RERE: variants seen among roughly 807,000 people sequenced by gnomAD.
RERE encodes the protein arginine-glutamic acid dipeptide repeats.
A neutral mutation model predicts 146.1 loss-of-function variants in RERE; 40 were observed. That is an observed-to-expected ratio of 0.27 (90% CI 0.21 to 0.36). The LOEUF (loss-of-function observed/expected upper bound fraction) is 0.36, where lower values mean the gene tolerates loss of function less well. RERE is among the 10% of genes least tolerant of loss of function. The pLI is 1.00. For synonymous variants in RERE, 1,003 were observed against 866.0 expected, an observed-to-expected ratio of 1.16 and a Z score of -2.78; for missense variants, 1,933 against 2,138.7, an observed-to-expected ratio of 0.90 and a Z score of 1.90.
At chr1:8,580,468 C>A in intron 4 of RERE, among the ~76,000 whole-genome samples, 1 of 152,042 alleles carries the variant, frequency 6.6e-6, no homozygotes, top group Non-Finnish European at 1.5e-5. Context: ...GGATTAAATC[C>A]AAAAACTATA....
intron 1 of RERE, among the ~76,000 whole-genome samples, chr1:8,682,043 T>G (rs1276394932): frequency 6.6e-6 from 1 of 152,198 alleles, no homozygotes; most frequent in African/African-American, 2.4e-5. Context: ...AAGGGCTTAT[T>G]TTGATCATAA....
intron 4 of RERE, among the ~76,000 whole-genome samples, chr1:8,611,940 CACAGT>C (rs1409824374): frequency 1.1e-4 from 16 of 152,182 alleles, no homozygotes; most frequent in Admixed American, 9.8e-4. Context: ...CACCACTGAA[CACAGT>C]ACTTTTTACT....
chr1:8,662,889 C>A (rs543311441), intron 1 of RERE, among the ~76,000 whole-genome samples: 1 of 152,228 alleles, frequency 6.6e-6, no homozygotes, highest in Non-Finnish European at 1.5e-5. Flanking sequence ...GGGACAAGAC[C>A]TACCTATTTC....
chr1:8,584,389 A>T (rs935920443), intron 4 of RERE, among the ~76,000 whole-genome samples: 2 of 151,724 alleles, frequency 1.3e-5, no homozygotes, highest in South Asian at 2.1e-4. Flanking sequence ...AACGAAAAAT[A>T]AAAAAAAATT....
intron 8 of RERE, among the ~76,000 whole-genome samples, chr1:8,498,184 C>A (rs1645071070): frequency 6.7e-6 from 1 of 150,030 alleles, no homozygotes; most frequent in Admixed American, 6.7e-5. Context: ...GATGCTGAAA[C>A]CTTGTCTCTA....
chr1:8,739,161 T>G (rs1354464906), intron 1 of RERE, among the ~76,000 whole-genome samples: 5 of 152,144 alleles, frequency 3.3e-5, no homozygotes, highest in African/African-American at 1.2e-4. Flanking sequence ...AACACAGCAA[T>G]AGCTGACATA....
At chr1:8,808,021 G>C (rs1641722326) in intron 1 of RERE, among the ~76,000 whole-genome samples, 1 of 152,084 alleles carries the variant, frequency 6.6e-6, no homozygotes. Context: ...GGTCATACCT[G>C]TAGTAACAGC....
rs769437351 is a variant in RERE, at chr1:8,361,422, A to G, written c.2085T>C (p.Asp695=). The change falls in exon 18 of 23, where the codon GAT becomes GAC. Residue 695 remains aspartate, a synonymous_variant. Coordinates refer to ENST00000400908, the MANE Select transcript of RERE (RefSeq NM_001042681.2). The stretch of plus-strand genomic sequence containing the variant: ...TGTCTTTGGGGTCACTGCTACCCTC[A>G]TCGTTGACGCTGCGACTGTCTGAAC... ...GESSDSRSVN[D]EGSSDPKDID... is the part of the protein sequence containing the mutation. The G allele has an allele frequency of 8.7e-6, 14 of 1,613,736 alleles. No homozygotes were observed. The highest frequency in any genetic ancestry group is 1.2e-5 in the Non-Finnish European group (14 of 1,179,938).
chr1:8,506,390 T>C (rs1019488839), intron 8 of RERE, among the ~76,000 whole-genome samples: 4 of 152,258 alleles, frequency 2.6e-5, no homozygotes, highest in South Asian at 2.1e-4. Context: ...GTGACCCTGA[T>C]AGTTTTTGTG....
At chr1:8,680,245 C>G (rs1638933552) in intron 1 of RERE, among the ~76,000 whole-genome samples, 1 of 152,154 alleles carries the variant, frequency 6.6e-6, no homozygotes, top group Non-Finnish European at 1.5e-5. Context: ...AAAAATACAT[C>G]TGAGTATATG....
Position 8,358,397 on chromosome 1 carries a change from C to T in RERE, c.4138G>A (p.Ala1380Thr), listed in dbSNP as rs765114706. Residue 1380 changes from alanine (A) to threonine (T), a missense_variant, in exon 20 of 23, where the codon GCC becomes ACC. Transcript: ENST00000400908. Reference sequence around the variant, plus strand: ...GGCCGCAGCTGGGGGCCCGCCAGGGCCAGTCTCTCCCTCTCCAAGGGGTTC... The same window carrying T: ...GGCCGCAGCTGGGGGCCCGCCAGGGTCAGTCTCTCCCTCTCCAAGGGGTTC... Reference protein sequence around the residue: ...GLNPLERERLALAGPQLRPEM... With the variant: ...GLNPLERERLTLAGPQLRPEM... 3.7e-6 allele frequency: 6 copies of T among 1,606,654 alleles called. No homozygotes were observed. In the African/African-American group the frequency reaches 5.3e-5, roughly 14 times the overall value.
intron 1 of RERE, among the ~76,000 whole-genome samples, chr1:8,715,382 GC>G (rs1020735781): frequency 6.6e-6 from 1 of 151,722 alleles, no homozygotes; most frequent in African/African-American, 2.4e-5. Flanking sequence ...GTGGTGGCAG[GC>G]GCCTGTAATC....
intron 1 of RERE, among the ~76,000 whole-genome samples, chr1:8,754,420 G>A (rs1222697665): frequency 2.0e-5 from 3 of 152,258 alleles, no homozygotes; most frequent in South Asian, 4.2e-4. Context: ...CATTTTAGAG[G>A]ACATTTAGGA....
rs1463397911 is a variant in RERE at position 8,585,137 on chromosome 1, A to G, written c.523-27614T>C. Among the ~76,000 whole-genome samples, 4 of 112,582 alleles carry G rather than the reference A, an allele frequency of 3.6e-5. No homozygotes were observed. The Admixed American group carries it at 3.7e-4, about 10-fold the overall frequency. 73.9% of individuals were successfully genotyped at this position (112,582 alleles called of 152,430 possible). A position where few individuals can be genotyped will look rare whatever the true frequency, so the allele number is the denominator to read the frequency against. The stretch of plus-strand genomic sequence containing the variant: ...ACTCCAGCCTGGGCAACGGAGCAAG[A>G]CTCCATCTCAAAAAAAAAAAAAAAG... On this transcript the variant is annotated intron_variant, in intron 4 of 22. Coordinates refer to ENST00000400908, the MANE Select transcript of RERE (RefSeq NM_001042681.2).
chr1:8,361,726 T>A (rs2124370180), intron 17 of RERE, 37 bp downstream of exon 17: 1 of 1,549,958 alleles, frequency 6.5e-7, no homozygotes, highest in East Asian at 2.2e-5. Context: ...TGAAGAAGCA[T>A]TAGCTTTACT....
chr1:8,532,550 A>C (rs1645671148), intron 7 of RERE, among the ~76,000 whole-genome samples: 1 of 151,832 alleles, frequency 6.6e-6, no homozygotes, highest in Non-Finnish European at 1.5e-5. Flanking sequence ...CCTCCCAAGT[A>C]GCTGGGATTA....
intron 4 of RERE, among the ~76,000 whole-genome samples, chr1:8,566,448 C>T (rs1317954541): frequency 3.3e-5 from 5 of 151,778 alleles, no homozygotes; most frequent in Admixed American, 2.6e-4. Flanking sequence ...GATGAAACCC[C>T]GTCTCTACTA....
chr1:8,665,733 C>A (rs967770357), intron 1 of RERE, among the ~76,000 whole-genome samples: 1 of 152,186 alleles, frequency 6.6e-6, no homozygotes, highest in Admixed American at 6.5e-5. Context: ...GCAGCCAACA[C>A]TCACTGGGCA....
intron 1 of RERE, among the ~76,000 whole-genome samples, chr1:8,661,735 G>A (rs1570578856): frequency 6.6e-6 from 1 of 152,182 alleles, no homozygotes; most frequent in Non-Finnish European, 1.5e-5. Context: ...AGTTTCATGG[G>A]GAGACCAGGA....
Sources: allele counts gnomAD v4.1 joint callset (sites outside exome capture counted in the v4.1 genomes callset), GRCh38; gene constraint gnomAD v4.1.1; transcripts MANE v1.5; gene names NCBI Gene and HGNC (gene_info 2026-07-23, HGNC 2026-07-21).